Variants in CSMD1 observed in about 807,000 individuals in gnomAD.
CSMD1 encodes the protein CUB and sushi domain-containing protein 1.
Under a neutral mutation model 417.5 loss-of-function variants are expected in CSMD1, and 213 were observed. That is an observed-to-expected ratio of 0.51 (90% CI 0.46 to 0.57). CSMD1 has a LOEUF of 0.57. Among genes scored for constraint, CSMD1 ranks in the 20% least tolerant of loss-of-function variants. CSMD1 has a pLI of 0.00. For missense variants in CSMD1, 6,923 were observed against 4,529.7 expected (o/e 1.53, Z -15.17); for synonymous variants, 2,862 against 1,736.8 (o/e 1.65, Z -16.11).
At chr8:4,470,734 A>C (rs989742193) in intron 2 of CSMD1, among the ~76,000 whole-genome samples, 1 of 152,248 alleles carries the variant, frequency 6.6e-6, no homozygotes, top group Non-Finnish European at 1.5e-5. Context: ...AAATGAACAC[A>C]GAAAAACACC....
intron 12 of CSMD1, among the ~76,000 whole-genome samples, chr8:3,467,611 G>C (rs1444262214): frequency 6.6e-6 from 1 of 152,126 alleles, no homozygotes; most frequent in Non-Finnish European, 1.5e-5. Flanking sequence ...AGCAAGGAGG[G>C]ACCCTATTTT....
intron 2 of CSMD1, among the ~76,000 whole-genome samples, chr8:4,437,237 T>G (rs2129641104): frequency 6.6e-6 from 1 of 152,316 alleles, no homozygotes; most frequent in South Asian, 2.1e-4. Flanking sequence ...ATTGAAGAAC[T>G]GGTTCTGAAA....
chr8:4,728,889 G>C (rs1238787830), intron 1 of CSMD1, among the ~76,000 whole-genome samples: 2 of 152,172 alleles, frequency 1.3e-5, no homozygotes, highest in Non-Finnish European at 1.5e-5. Flanking sequence ...TTATTGGAGG[G>C]AGAAAGAAGG....
At chr8:4,407,303 C>G (rs962491591) in intron 3 of CSMD1, among the ~76,000 whole-genome samples, 3 of 152,128 alleles carry the variant, frequency 2.0e-5, no homozygotes, top group Admixed American at 1.3e-4. Context: ...AAAATCACTG[C>G]TATAATATAT....
chr8:4,742,377 G>C (rs535353321), intron 1 of CSMD1, among the ~76,000 whole-genome samples: 1 of 152,032 alleles, frequency 6.6e-6, no homozygotes, highest in East Asian at 1.9e-4. Context: ...ACTGTATCAT[G>C]AGAAATTTAA....
At chr8:4,883,537 C>G (rs778858310) in intron 1 of CSMD1, among the ~76,000 whole-genome samples, 4 of 152,080 alleles carry the variant, frequency 2.6e-5, no homozygotes, top group East Asian at 1.9e-4. Context: ...TTTTCCAAAT[C>G]TAGACATTTG....
intron 3 of CSMD1, among the ~76,000 whole-genome samples, chr8:4,221,963 T>C (rs765172385): frequency 3.2e-4 from 48 of 152,080 alleles, no homozygotes; most frequent in African/African-American, 1.1e-3. Flanking sequence ...AGCACATCCA[T>C]CTGCAATGGA....
intron 1 of CSMD1, among the ~76,000 whole-genome samples, chr8:4,848,625 C>T (rs1486052466): frequency 2.0e-5 from 3 of 152,002 alleles, no homozygotes; most frequent in Admixed American, 6.6e-5. Context: ...CTACAACCTC[C>T]GTCTTCTTGG....
intron 5 of CSMD1, among the ~76,000 whole-genome samples, chr8:3,892,590 G>C (rs1468038652): frequency 6.6e-6 from 1 of 151,782 alleles, no homozygotes; most frequent in African/African-American, 2.4e-5. Context: ...AGTTAAATCT[G>C]TTCTCTCCCC....
chr8:4,454,789 G>A (rs113131376), intron 2 of CSMD1, among the ~76,000 whole-genome samples: 3 of 152,208 alleles, frequency 2.0e-5, no homozygotes, highest in African/African-American at 7.2e-5. Flanking sequence ...AGGCACTTAA[G>A]CTACAACTAG....
At chr8:4,272,460 A>G (rs530562496) in intron 3 of CSMD1, among the ~76,000 whole-genome samples, 31 of 152,296 alleles carry the variant, frequency 2.0e-4, no homozygotes, top group Admixed American at 1.3e-4. Flanking sequence ...CCAGGATTCT[A>G]TGAGTATATA....
intron 5 of CSMD1, among the ~76,000 whole-genome samples, chr8:3,958,410 G>C (rs1160417767): frequency 6.6e-6 from 1 of 151,170 alleles, no homozygotes; most frequent in African/African-American, 2.4e-5. Flanking sequence ...CAGAAAAAAT[G>C]GTGAGTTCAT....
chr8:3,328,636 C>T (rs937659310), intron 23 of CSMD1, among the ~76,000 whole-genome samples: 1 of 152,146 alleles, frequency 6.6e-6, no homozygotes, highest in Admixed American at 6.6e-5. Context: ...CAGAAAATAT[C>T]CTGTTATCAT....
intron 2 of CSMD1, among the ~76,000 whole-genome samples, chr8:4,549,060 TTTAACTTCA>T (rs1197801451): frequency 3.3e-5 from 5 of 152,326 alleles, no homozygotes; most frequent in African/African-American, 9.6e-5. Flanking sequence ...ATTTAATGTT[TTTAACTTCA>T]TTAACTTCAT....
chr8:4,742,004 T>A (rs1810644238), intron 1 of CSMD1, among the ~76,000 whole-genome samples: 1 of 10,760 alleles, frequency 9.3e-5, no homozygotes, highest in South Asian at 3.0e-3. Flanking sequence ...CACCCACTTT[T>A]TTTTTTTTTT....
intron 7 of CSMD1, among the ~76,000 whole-genome samples, chr8:3,641,024 C>CTTTTTT (rs34851559): frequency 3.4e-4 from 35 of 102,712 alleles, no homozygotes; most frequent in East Asian, 1.1e-3. Flanking sequence ...TCCTTTTTTC[C>CTTTTTT]TTTTTTTTTT....
intron 54 of CSMD1, among the ~76,000 whole-genome samples, chr8:2,994,932 C>T (rs1782922118): frequency 1.3e-5 from 2 of 152,094 alleles, no homozygotes; most frequent in African/African-American, 2.4e-5. Flanking sequence ...AAATGGATCA[C>T]AGACTTTAAA....
intron 3 of CSMD1, among the ~76,000 whole-genome samples, chr8:4,184,201 G>C (rs1194304221): frequency 6.6e-6 from 1 of 152,180 alleles, no homozygotes; most frequent in East Asian, 1.9e-4. Flanking sequence ...GTGTCAGTCT[G>C]AGCCTAAGAG....
At chr8:4,824,318 G>A (rs993886000) in intron 1 of CSMD1, among the ~76,000 whole-genome samples, 6 of 152,036 alleles carry the variant, frequency 3.9e-5, no homozygotes, top group African/African-American at 1.4e-4. Flanking sequence ...AATACTTTGT[G>A]TTATTTGGTT....
Sources: gnomAD v4.1 joint callset for allele counts (sites outside exome capture counted in the v4.1 genomes callset) on GRCh38, gnomAD v4.1.1 for gene constraint, MANE v1.5 for transcripts, NCBI Gene and HGNC (gene_info 2026-07-23, HGNC 2026-07-21) for gene names.